Variants in SLC8A3 observed in about 807,000 individuals in gnomAD.
SLC8A3 encodes solute carrier family 8 member A3.
Under a neutral mutation model 65.4 loss-of-function variants are expected in SLC8A3, and 37 were observed. That is an observed-to-expected ratio of 0.57 (90% CI 0.44 to 0.74). SLC8A3 has a LOEUF of 0.74. Among genes scored for constraint, SLC8A3 ranks in the 30% least tolerant of loss-of-function variants. The pLI is 0.00. For missense variants in SLC8A3, 1,112 were observed against 1,172.1 expected (o/e 0.95, Z 0.75); for synonymous variants, 461 against 444.5 (o/e 1.04, Z -0.47).
At chr14:70,093,057 G>A (rs761302059) in intron 2 of SLC8A3, among the ~76,000 whole-genome samples, 2 of 152,208 alleles carry the variant, frequency 1.3e-5, no homozygotes, top group Non-Finnish European at 2.9e-5. Flanking sequence ...AGGAATTGAG[G>A]TGGGAGCAAG....
chr14:70,144,549 G>A (rs962805463), intron 2 of SLC8A3, among the ~76,000 whole-genome samples: 2 of 150,690 alleles, frequency 1.3e-5, no homozygotes, highest in African/African-American at 4.9e-5. Context: ...AGAATCGCTT[G>A]AACCTGGAGG....
chr14:70,064,632 C>T (rs537379252), intron 2 of SLC8A3, among the ~76,000 whole-genome samples: 2 of 152,236 alleles, frequency 1.3e-5, no homozygotes, highest in African/African-American at 4.8e-5. Context: ...AAGCTACTGA[C>T]ACTATCTCCA....
intron 2 of SLC8A3, among the ~76,000 whole-genome samples, chr14:70,065,431 C>T (rs372736338): frequency 8.5e-5 from 13 of 152,234 alleles, no homozygotes; most frequent in African/African-American, 1.7e-4. Context: ...GGCTGGCTAC[C>T]GTAGAAAGCC....
Position 70,163,173 on chromosome 14 carries a change from T to C in SLC8A3, c.1784+3466A>G, listed in dbSNP as rs549671287. 2.0e-5 allele frequency among the ~76,000 whole-genome samples: 3 copies of C among 152,350 alleles called. No homozygotes were observed. The Middle Eastern group carries it at 0.01, about 518-fold the overall frequency. The stretch of plus-strand genomic sequence containing the variant: ...GAACACCATCTACGAGAAGGCACTG[T>C]GCATTTTTCTCATACTTATATTTAG... On this transcript the variant is annotated intron_variant, in intron 2 of 6. Coordinates refer to ENST00000356921, the MANE Select transcript of SLC8A3 (RefSeq NM_182932.3).
intron 2 of SLC8A3, among the ~76,000 whole-genome samples, chr14:70,075,145 A>G (rs1890375443): frequency 6.6e-6 from 1 of 151,810 alleles, no homozygotes; most frequent in Admixed American, 6.6e-5. Flanking sequence ...GTGTGCGCGC[A>G]TGTGTGTGCG....
chr14:70,125,285 G>A (rs544225906), intron 2 of SLC8A3, among the ~76,000 whole-genome samples: 7 of 152,070 alleles, frequency 4.6e-5, no homozygotes, highest in African/African-American at 9.7e-5. Context: ...AATAATGTAC[G>A]TTGTACTCAT....
intron 2 of SLC8A3, among the ~76,000 whole-genome samples, chr14:70,126,902 C>CA (rs5809465): frequency 0.011 from 1,697 of 149,370 alleles, 30 homozygotes; most frequent in African/African-American, 0.034. Flanking sequence ...TGCAAATATT[C>CA]AAAAAAAAAA....
At chr14:70,106,266 A>T (rs1003507449) in intron 2 of SLC8A3, among the ~76,000 whole-genome samples, 2 of 152,170 alleles carry the variant, frequency 1.3e-5, no homozygotes, top group African/African-American at 2.4e-5. Flanking sequence ...TGTGCCTCTT[A>T]TCTCACATCT....
At chr14:70,140,610 T>C (rs1391888858) in intron 2 of SLC8A3, among the ~76,000 whole-genome samples, 1 of 152,230 alleles carries the variant, frequency 6.6e-6, no homozygotes. Flanking sequence ...TTTCCTCCTC[T>C]GTAAAATAGT....
At chr14:70,082,300 C>T (rs1306768312) in intron 2 of SLC8A3, among the ~76,000 whole-genome samples, 2 of 152,154 alleles carry the variant, frequency 1.3e-5, no homozygotes, top group Admixed American at 6.5e-5. Flanking sequence ...GGTGACCCTA[C>T]TTAGCTGAAG....
intron 2 of SLC8A3, among the ~76,000 whole-genome samples, chr14:70,093,258 G>T (rs1891925799): frequency 6.6e-6 from 1 of 152,200 alleles, no homozygotes; most frequent in African/African-American, 2.4e-5. Context: ...GTATAGCCCT[G>T]AAAGACAAAA....
At chr14:70,189,309 C>T (rs1346998477), upstream of SLC8A3, among the ~76,000 whole-genome samples, 1 of 152,228 alleles carries the variant, frequency 6.6e-6, no homozygotes, top group Admixed American at 6.5e-5. Context: ...GCGTCCTGAC[C>T]TGGATTCCGC....
chr14:70,147,426 C>T (rs952113685), intron 2 of SLC8A3, among the ~76,000 whole-genome samples: 1 of 152,198 alleles, frequency 6.6e-6, no homozygotes, highest in Admixed American at 6.5e-5. Context: ...TCCGCAAGAA[C>T]ATGCCCTATA....
intron 6 of SLC8A3, 188 bp downstream of exon 6, chr14:70,048,578 GC>G (rs951797830): frequency 1.5e-6 from 1 of 686,946 alleles, no homozygotes; most frequent in African/African-American, 1.8e-5. Flanking sequence ...CATTGAAAGT[GC>G]TCAAGAAATA....
chr14:70,050,532 G>A (rs72729824), intron 5 of SLC8A3, among the ~76,000 whole-genome samples: 5,258 of 152,236 alleles, frequency 0.035, 122 homozygotes, highest in Admixed American at 0.051. Context: ...CGAGGGAGGG[G>A]TATGGAATCA....
At chr14:70,115,936 C>T (rs1469946606) in intron 2 of SLC8A3, among the ~76,000 whole-genome samples, 4 of 152,188 alleles carry the variant, frequency 2.6e-5, no homozygotes, top group Non-Finnish European at 4.4e-5. Flanking sequence ...TCCTATGCCA[C>T]CTGAAAAAGT....
At chr14:70,152,108 A>C (rs1007500865) in intron 2 of SLC8A3, among the ~76,000 whole-genome samples, 2 of 152,202 alleles carry the variant, frequency 1.3e-5, no homozygotes, top group African/African-American at 4.8e-5. Context: ...TGGGTTCCTC[A>C]AAAGGAGGAC....
chr14:70,093,299 GA>G (rs1891929662), intron 2 of SLC8A3, among the ~76,000 whole-genome samples: 1 of 152,214 alleles, frequency 6.6e-6, no homozygotes, highest in African/African-American at 2.4e-5. Context: ...ATACTCATTA[GA>G]TGACTTGGTT....
intron 2 of SLC8A3, among the ~76,000 whole-genome samples, chr14:70,106,585 T>G (rs1169797672): frequency 6.6e-6 from 1 of 152,144 alleles, no homozygotes; most frequent in African/African-American, 2.4e-5. Context: ...GGTAATAATC[T>G]TTATTTAATA....
Sources: allele counts gnomAD v4.1 joint callset (sites outside exome capture counted in the v4.1 genomes callset), GRCh38; gene constraint gnomAD v4.1.1; transcripts MANE v1.5; gene names NCBI Gene and HGNC (gene_info 2026-07-23, HGNC 2026-07-21).